WWOX: variants seen among roughly 807,000 people sequenced by gnomAD.
The protein encoded by WWOX is WW domain containing oxidoreductase.
Under a neutral mutation model 46.2 loss-of-function variants are expected in WWOX, and 69 were observed. That is an observed-to-expected ratio of 1.49 (90% confidence interval 1.23 to 1.82). WWOX has a LOEUF of 1.82. Among genes scored for constraint, WWOX ranks in the 40% most tolerant of loss-of-function variants. WWOX has a pLI of 0.00. For missense variants in WWOX, 919 were observed against 542.6 expected (o/e 1.69, Z -6.89); for synonymous variants, 359 against 202.6 (o/e 1.77, Z -6.56).
rs367599412 is a variant in WWOX at position 78,424,920 on chromosome 16, G to A, written c.656G>A (p.Ser219Asn). Reference protein sequence around the residue: ...CNAATFALPWSLTKDGLETTF... With the variant: ...CNAATFALPWNLTKDGLETTF... ...GCAGCAACTTTTGCTCTACCCTGGA[G>A]TCTCACCAAAGATGGCCTGGAGACC... is the stretch of plus-strand genomic sequence containing the variant. The change falls in exon 7 of 9, where the codon AGT (serine) becomes AAT (asparagine). Residue 219 changes from serine to asparagine, a missense_variant. By Grantham distance (46) the Ser-to-Asn change is conservative. Coordinates refer to ENST00000566780, the MANE Select transcript of WWOX (RefSeq NM_016373.4). 4.3e-6 allele frequency: 7 copies of A among 1,614,156 alleles called. No homozygotes were observed. The highest frequency in any genetic ancestry group is 2.2e-5 in the South Asian group (2 of 91,078).
At chr16:79,022,748 A>G (rs1375018843) in intron 8 of WWOX, among the ~76,000 whole-genome samples, 1 of 152,226 alleles carries the variant, frequency 6.6e-6, no homozygotes, top group Non-Finnish European at 1.5e-5. Context: ...GCCCCCCACC[A>G]AGCCCGGAAC....
chr16:78,921,514 C>T (rs1597153423), intron 8 of WWOX, among the ~76,000 whole-genome samples: 1 of 152,224 alleles, frequency 6.6e-6, no homozygotes, highest in Admixed American at 6.5e-5. Context: ...AGACCTTTCA[C>T]AGTCATTCTC....
intron 8 of WWOX, among the ~76,000 whole-genome samples, chr16:78,760,043 A>G (rs1000507192): frequency 1.3e-5 from 2 of 152,192 alleles, no homozygotes; most frequent in Admixed American, 6.5e-5. Context: ...CTGTGTTCAC[A>G]CTAGTGATAA....
intron 8 of WWOX, among the ~76,000 whole-genome samples, chr16:78,767,482 CTGTGTGTGTGTG>C (rs3051061): frequency 7.0e-6 from 1 of 143,036 alleles, no homozygotes; most frequent in South Asian, 2.1e-4. Flanking sequence ...GTGTGTGTGT[CTGTGTGTGTGTG>C]TGTGTGTGTG....
chr16:78,764,357 G>T (rs2049874684), intron 8 of WWOX, among the ~76,000 whole-genome samples: 1 of 151,430 alleles, frequency 6.6e-6, no homozygotes, highest in African/African-American at 2.4e-5. Flanking sequence ...CTGTGAGCTT[G>T]ACACAGGAGG....
intron 6 of WWOX, among the ~76,000 whole-genome samples, chr16:78,417,574 G>A (rs1162551974): frequency 6.6e-6 from 1 of 152,182 alleles, no homozygotes; most frequent in Non-Finnish European, 1.5e-5. Flanking sequence ...GATGCAACCT[G>A]AAAGGAGTTC....
At chr16:78,258,472 G>C (rs1308420591) in intron 5 of WWOX, among the ~76,000 whole-genome samples, 1 of 152,064 alleles carries the variant, frequency 6.6e-6, no homozygotes, top group Non-Finnish European at 1.5e-5. Context: ...CCACTCGGAT[G>C]CTACGAGGGG....
At chr16:78,478,886 T>A (rs2084419871) in intron 8 of WWOX, among the ~76,000 whole-genome samples, 1 of 152,242 alleles carries the variant, frequency 6.6e-6, no homozygotes, top group Non-Finnish European at 1.5e-5. Context: ...ATCTGTAGTA[T>A]AATTTCATTA....
chr16:78,102,692 GCTT>G (rs1293977637), intron 1 of WWOX, among the ~76,000 whole-genome samples: 4 of 152,216 alleles, frequency 2.6e-5, no homozygotes, highest in East Asian at 1.9e-4. Context: ...TTGTTTCTCT[GCTT>G]CTTCGTGCTT....
At chr16:79,152,260 G>T (rs1269918459) in intron 8 of WWOX, among the ~76,000 whole-genome samples, 1 of 152,190 alleles carries the variant, frequency 6.6e-6, no homozygotes, top group East Asian at 1.9e-4. Context: ...AGGCAGAGAA[G>T]GGTACAGGCT....
At chr16:78,676,076 G>A (rs17795235) in intron 8 of WWOX, among the ~76,000 whole-genome samples, 3,757 of 151,998 alleles carry the variant, frequency 0.025, 50 homozygotes, top group East Asian at 0.062. Context: ...TAATCCAGAC[G>A]TTACTACTCC....
At chr16:78,333,951 C>CCACTGAT (rs1239123671) in intron 5 of WWOX, among the ~76,000 whole-genome samples, 2 of 151,470 alleles carry the variant, frequency 1.3e-5, no homozygotes, top group Non-Finnish European at 2.9e-5. Context: ...CTTGCGTGAT[C>CCACTGAT]CACTGATGGT....
At chr16:78,272,098 T>C (rs1488473565) in intron 5 of WWOX, among the ~76,000 whole-genome samples, 1 of 152,204 alleles carries the variant, frequency 6.6e-6, no homozygotes, top group Non-Finnish European at 1.5e-5. Flanking sequence ...CCCCAAAACT[T>C]AGAGGCTTAA....
rs185371569 is a variant in WWOX at position 78,339,059 on chromosome 16, T to G, written c.517-47801T>G. ...TAGGTTTTTCAATAAGAAGGAAATTTAGCTTCCTTCTACTTTGGTGCCCCA... is the reference window on the plus strand; with the variant it reads ...TAGGTTTTTCAATAAGAAGGAAATTGAGCTTCCTTCTACTTTGGTGCCCCA... On this transcript the variant is annotated intron_variant, in intron 5 of 8. Transcript: ENST00000566780. Among the ~76,000 whole-genome samples, 56 of 120,562 alleles carry G rather than the reference T, an allele frequency of 4.6e-4. 3 individuals are homozygous for G. The East Asian group carries it at 9.9e-3, about 21-fold the overall frequency. The allele number at this position is 120,562 out of a possible 152,430, so 79.1% of individuals were successfully genotyped here. A position where few individuals can be genotyped will look rare whatever the true frequency, so the allele number is the denominator to read the frequency against.
chr16:78,821,181 T>G (rs1033914449), intron 8 of WWOX, among the ~76,000 whole-genome samples: 13 of 152,280 alleles, frequency 8.5e-5, no homozygotes, highest in Non-Finnish European at 1.5e-4. Flanking sequence ...TTCTCTGTGT[T>G]GGGAATTGTG....
At chr16:79,084,571 C>T (rs560568196) in intron 8 of WWOX, among the ~76,000 whole-genome samples, 18 of 152,112 alleles carry the variant, frequency 1.2e-4, no homozygotes, top group Non-Finnish European at 2.2e-4. Context: ...CATGCCACCA[C>T]GCCCGGCTAC....
chr16:78,126,353 T>G (rs1356384528), intron 4 of WWOX, among the ~76,000 whole-genome samples: 1 of 152,230 alleles, frequency 6.6e-6, no homozygotes, highest in Non-Finnish European at 1.5e-5. Context: ...TGTACCAATT[T>G]GAATGCTCCT....
chr16:78,919,657 A>G (rs2045332644), intron 8 of WWOX, among the ~76,000 whole-genome samples: 1 of 151,604 alleles, frequency 6.6e-6, no homozygotes, highest in South Asian at 2.1e-4. Context: ...AGCTGGGATT[A>G]CAGGCACACA....
At chr16:78,885,495 A>G (rs532422313) in intron 8 of WWOX, among the ~76,000 whole-genome samples, 2 of 152,186 alleles carry the variant, frequency 1.3e-5, no homozygotes, top group Non-Finnish European at 2.9e-5. Flanking sequence ...AAAAGCAGCA[A>G]AATAGTTCTT....
Sources: gnomAD v4.1 joint callset for allele counts (sites outside exome capture counted in the v4.1 genomes callset) on GRCh38, gnomAD v4.1.1 for gene constraint, MANE v1.5 for transcripts, NCBI Gene and HGNC (gene_info 2026-07-23, HGNC 2026-07-21) for gene names.